The following ABCB1 variants were observed in gnomAD, a reference collection of about 807,000 sequenced individuals.
ABCB1 encodes ATP binding cassette subfamily B member 1.
In ABCB1, 69 loss-of-function variants were observed where a neutral mutation model predicts 142.0. The observed-to-expected ratio is 0.49, with a 90% CI of 0.40 to 0.59. The LOEUF is 0.59. Ranked by LOEUF, ABCB1 falls within the 20% of genes least tolerant of loss-of-function variation. The probability of loss-of-function intolerance (pLI) is 0.00; values close to 1 mark genes in which losing one functional copy is unlikely to be tolerated. For synonymous variants in ABCB1, 532 were observed against 539.2 expected (o/e 0.99, Z 0.18); for missense variants, 1,326 against 1,554.7 (o/e 0.85, Z 2.47).
intron 1 of ABCB1, among the ~76,000 whole-genome samples, chr7:87,695,430 C>G (rs1828415990): frequency 6.6e-6 from 1 of 152,064 alleles, no homozygotes; most frequent in Admixed American, 6.6e-5. Flanking sequence ...AAAGTGAGAA[C>G]TCCACAAGTT....
At chr7:87,584,314 T>C (rs997103901) in intron 4 of ABCB1, among the ~76,000 whole-genome samples, 1 of 152,196 alleles carries the variant, frequency 6.6e-6, no homozygotes, top group African/African-American at 2.4e-5. Context: ...AAGCAATTCA[T>C]TGCATTCATC....
chr7:87,613,363 G>A (rs1267454627), intron 1 of ABCB1, among the ~76,000 whole-genome samples: 2 of 146,592 alleles, frequency 1.4e-5, no homozygotes, highest in Non-Finnish European at 3.0e-5. Context: ...CCATTACCAG[G>A]TATATACCCA....
intron 1 of ABCB1, among the ~76,000 whole-genome samples, chr7:87,672,795 G>A (rs1237465565): frequency 6.6e-6 from 1 of 152,128 alleles, no homozygotes; most frequent in Non-Finnish European, 1.5e-5. Context: ...TGCTTCCCTG[G>A]GCAGGGGAGG....
At chr7:87,542,261 C>CATA (rs1273503609) in intron 17 of ABCB1, among the ~76,000 whole-genome samples, 1 of 152,164 alleles carries the variant, frequency 6.6e-6, no homozygotes, top group Non-Finnish European at 1.5e-5. Flanking sequence ...CAACAAAAAT[C>CATA]ATAACAATTA....
At chr7:87,542,324 T>C (rs975294644) in intron 17 of ABCB1, among the ~76,000 whole-genome samples, 3 of 152,224 alleles carry the variant, frequency 2.0e-5, no homozygotes, top group Non-Finnish European at 2.9e-5. Context: ...ATATATACTA[T>C]TCCTCTAATC....
At chr7:87,568,385 A>G (rs1817882210) in intron 5 of ABCB1, among the ~76,000 whole-genome samples, 1 of 150,802 alleles carries the variant, frequency 6.6e-6, no homozygotes, top group Non-Finnish European at 1.5e-5. Flanking sequence ...CTACACTCCA[A>G]CCTGGGTGAC....
At chr7:87,696,433 T>A (rs1828498346) in intron 1 of ABCB1, among the ~76,000 whole-genome samples, 1 of 152,146 alleles carries the variant, frequency 6.6e-6, no homozygotes, top group Non-Finnish European at 1.5e-5. Context: ...AAAGTGATGT[T>A]CAAATAATAT....
intron 1 of ABCB1, among the ~76,000 whole-genome samples, chr7:87,649,862 A>G (rs1823401018): frequency 6.6e-6 from 1 of 152,142 alleles, no homozygotes; most frequent in South Asian, 2.1e-4. Flanking sequence ...ATAGTTTTAT[A>G]AAGGAGAGTT....
At chr7:87,512,161 T>C (rs1563027816) in intron 25 of ABCB1, among the ~76,000 whole-genome samples, 2 of 151,138 alleles carry the variant, frequency 1.3e-5, no homozygotes, top group South Asian at 4.2e-4. Flanking sequence ...AATATCCACC[T>C]TTGTATCTAA....
intron 1 of ABCB1, among the ~76,000 whole-genome samples, chr7:87,668,838 A>G (rs1241399444): frequency 1.3e-5 from 2 of 152,054 alleles, no homozygotes; most frequent in Admixed American, 6.6e-5. Flanking sequence ...GTGATCCAAG[A>G]GTGTGTTTGG....
In ABCB1 at chr7:87,664,661, G is replaced by A. The variant is rs76670028; in HGVS notation, c.-331+48500C>T. On this transcript the variant is annotated intron_variant, in intron 1 of 28. Coordinates refer to the ABCB1 transcript ENST00000265724. The stretch of plus-strand genomic sequence containing the variant: ...AAAGCAGAATGGAGATGATAGAGGT[G>A]CGTATATGAATTTCAAAGTAAATCA... 3.4e-3 allele frequency among the ~76,000 whole-genome samples: 519 copies of A among 152,222 alleles called. 6 individuals carry two copies. The highest frequency in any genetic ancestry group is 0.012 in the African/African-American group (483 of 41,536).
In ABCB1 at chr7:87,503,558, A is replaced by T. The variant is rs970113728; in HGVS notation, c.*685T>A. 6.5e-6 allele frequency: 1 copy of T among 153,012 alleles called. No individual in the cohort carries two copies. Among genetic ancestry groups the T allele is most frequent in the Non-Finnish European group, 1.5e-5 (1 of 68,632 alleles). 9.5% of individuals were successfully genotyped at this position (153,012 alleles called of 1,614,324 possible). Reference sequence around the variant, plus strand: ...TTTACTATACATCTGAATAATATGCACTTCATAATTGTGCCTCACCCCACC... The same window carrying T: ...TTTACTATACATCTGAATAATATGCTCTTCATAATTGTGCCTCACCCCACC... On this transcript the variant is annotated 3_prime_UTR_variant, in exon 28 of 28. Coordinates refer to ENST00000622132, the MANE Select transcript of ABCB1 (RefSeq NM_001348946.2).
At chr7:87,649,028 A>G (rs1159069135) in intron 1 of ABCB1, among the ~76,000 whole-genome samples, 2 of 151,736 alleles carry the variant, frequency 1.3e-5, no homozygotes, top group African/African-American at 4.8e-5. Flanking sequence ...AAAAGCTTGT[A>G]CTCTTTTATC....
intron 1 of ABCB1, among the ~76,000 whole-genome samples, chr7:87,676,168 A>G (rs1048090095): frequency 3.9e-5 from 6 of 152,152 alleles, no homozygotes; most frequent in Non-Finnish European, 8.8e-5. Context: ...TTGAGGCTTC[A>G]GTGAGCTATC....
intron 1 of ABCB1, among the ~76,000 whole-genome samples, chr7:87,623,371 C>T (rs1820295064): frequency 6.6e-6 from 1 of 152,196 alleles, no homozygotes; most frequent in Admixed American, 6.5e-5. Flanking sequence ...AGGACCAAAT[C>T]CACTTTGTTT....
rs147125713 is a variant in ABCB1, at chr7:87,612,175, G to T, written c.-330-11097C>A. On this transcript the variant is annotated intron_variant, in intron 1 of 28. Transcript: ENST00000265724. ...TCTGGATATTAGTCCTTTGTTGAAT[G>T]CATAATTTACAAATATTTTCTCCCA... Among the ~76,000 whole-genome samples, 550 of 152,232 alleles carry T rather than the reference G, an allele frequency of 3.6e-3. 2 individuals carry two copies. Among genetic ancestry groups the T allele is most frequent in the Non-Finnish European group, 5.8e-3 (391 of 67,994 alleles).
chr7:87,613,047 T>TGGGTTCTTG (rs1819910562), intron 1 of ABCB1, among the ~76,000 whole-genome samples: 1 of 149,922 alleles, frequency 6.7e-6, no homozygotes. Flanking sequence ...TAAGGGGGAT[T>TGGGTTCTTG]GGGTTCTTGA....
At chr7:87,711,641 A>G (rs1830095571) in intron 1 of ABCB1, among the ~76,000 whole-genome samples, 2 of 152,170 alleles carry the variant, frequency 1.3e-5, no homozygotes. Context: ...AAACTGTTTA[A>G]TGTAGCCACT....
At chr7:87,654,098 G>T (rs1309707331) in intron 1 of ABCB1, among the ~76,000 whole-genome samples, 1 of 151,968 alleles carries the variant, frequency 6.6e-6, no homozygotes, top group Non-Finnish European at 1.5e-5. Flanking sequence ...TAAGTGGAAA[G>T]ATATATGTGT....
Sources: allele counts gnomAD v4.1 joint callset (sites outside exome capture counted in the v4.1 genomes callset), GRCh38; gene constraint gnomAD v4.1.1; transcripts MANE v1.5; gene names NCBI Gene and HGNC (gene_info 2026-07-23, HGNC 2026-07-21).